Variants in CLVS1 observed in about 807,000 individuals in gnomAD.
The protein encoded by CLVS1 is clavesin-1.
CLVS1 carries 10 observed loss-of-function variants against 33.1 expected under a neutral mutation model. The ratio of observed to expected loss-of-function variants is 0.30; its 90% CI spans 0.19 to 0.51. The LOEUF is 0.51. Ranked by LOEUF, CLVS1 falls within the 20% of genes least tolerant of loss-of-function variation. The pLI, the probability that CLVS1 is intolerant of heterozygous loss-of-function variation, is 0.97. For missense variants in CLVS1, 343 were observed against 433.4 expected (o/e 0.79, Z 1.85); for synonymous variants, 163 against 166.1 (o/e 0.98, Z 0.14).
chr8:61,445,602 A>C lies in CLVS1; in HGVS notation c.631-8539A>C, dbSNP rs535431060. 6.6e-5 allele frequency among the ~76,000 whole-genome samples: 10 copies of C among 152,112 alleles called. No homozygotes were observed. The East Asian group carries it at 1.9e-3, about 29-fold the overall frequency. On this transcript the variant is annotated intron_variant, in intron 3 of 5. Coordinates refer to ENST00000325897, the MANE Select transcript of CLVS1 (RefSeq NM_173519.3). ...GCTTGCAGAACCATCAGCCAAATAA[A>C]CCTCCTTTTTTTTATAATTTGTTTG...
intron 5 of CLVS1, among the ~76,000 whole-genome samples, chr8:61,483,982 T>C (rs4467931): frequency 0.54 from 81,907 of 152,150 alleles, 26,214 homozygotes; most frequent in Non-Finnish European, 0.71. Context: ...CCACAGCCAA[T>C]ATCATACTGA....
At chr8:61,337,095 C>T (rs190218400) in intron 2 of CLVS1, among the ~76,000 whole-genome samples, 36 of 152,276 alleles carry the variant, frequency 2.4e-4, no homozygotes, top group African/African-American at 7.9e-4. Context: ...TCAATTGCAT[C>T]ACCCAGATTT....
intron 3 of CLVS1, among the ~76,000 whole-genome samples, chr8:61,432,581 C>T (rs545253633): frequency 6.6e-6 from 1 of 152,298 alleles, no homozygotes; most frequent in East Asian, 1.9e-4. Context: ...CTGCCTCTGC[C>T]TTGGTCTTGA....
At chr8:60,976,859 T>C in the CLVS1 span, among the ~76,000 whole-genome samples, 4 of 152,208 alleles carry the variant, frequency 2.6e-5, no homozygotes, top group Non-Finnish European at 5.9e-5. Flanking sequence ...CCTCCAAAAA[T>C]TGGGGTTGTG....
chr8:61,129,450 C>CT (rs1176897307), intron 1 of CLVS1, among the ~76,000 whole-genome samples: 1 of 152,174 alleles, frequency 6.6e-6, no homozygotes, highest in Non-Finnish European at 1.5e-5. Flanking sequence ...TTAAATCTGT[C>CT]TTTTTTCAAA....
chr8:61,278,111 T>G (rs1293851570), intron 2 of CLVS1, among the ~76,000 whole-genome samples: 4 of 152,174 alleles, frequency 2.6e-5, no homozygotes, highest in African/African-American at 9.7e-5. Context: ...TATGCCCTAA[T>G]TTTAGGCAAA....
chr8:61,120,065 C>G (rs1028948654), intron 1 of CLVS1, among the ~76,000 whole-genome samples: 1 of 148,126 alleles, frequency 6.8e-6, no homozygotes, highest in African/African-American at 2.5e-5. Context: ...GCAGGCTTTG[C>G]TCGTTTCTTT....
chr8:61,181,780 A>C (rs533276357), intron 2 of CLVS1, among the ~76,000 whole-genome samples: 21 of 145,702 alleles, frequency 1.4e-4, no homozygotes, highest in Middle Eastern at 4.3e-3. Context: ...GCTCACTGCA[A>C]ACTCCACCTC....
At chr8:61,351,458 A>C (rs898790866) in intron 2 of CLVS1, among the ~76,000 whole-genome samples, 1 of 152,106 alleles carries the variant, frequency 6.6e-6, no homozygotes, top group Admixed American at 6.6e-5. Context: ...GGACAATGTC[A>C]TAAGATCCAA....
At position 61,373,976 on chromosome 8, in the gene CLVS1, A is replaced by G. The variant is rs180700947; in HGVS notation, c.456-2629A>G. On this transcript the variant is annotated intron_variant, in intron 2 of 5. Coordinates refer to ENST00000325897, the MANE Select transcript of CLVS1 (RefSeq NM_173519.3). ...GCATGCTGGCTGTCGCATATTTTTT[A>G]CTATAGCAACGGTAGAAGGGCAAGA... is the stretch of plus-strand genomic sequence containing the variant. Among the ~76,000 whole-genome samples, 34 of 152,216 alleles carry G rather than the reference A, an allele frequency of 2.2e-4. No homozygotes were observed. The East Asian group carries it at 6.6e-3, about 29-fold the overall frequency.
chr8:61,431,195 C>CT (rs1236298482), intron 3 of CLVS1, among the ~76,000 whole-genome samples: 5 of 151,732 alleles, frequency 3.3e-5, no homozygotes, highest in East Asian at 1.9e-4. Flanking sequence ...TTTTCTAGAA[C>CT]TTTTTTTTTC....
At chr8:61,256,139 C>T (rs1442956732) in intron 2 of CLVS1, among the ~76,000 whole-genome samples, 1 of 152,180 alleles carries the variant, frequency 6.6e-6, no homozygotes, top group Non-Finnish European at 1.5e-5. Context: ...CTCCTAGCCC[C>T]TAGTAACCAC....
chr8:61,350,858 G>A (rs950380731), intron 2 of CLVS1, among the ~76,000 whole-genome samples: 6 of 152,086 alleles, frequency 3.9e-5, no homozygotes, highest in African/African-American at 1.4e-4. Flanking sequence ...CTCTGGCTGT[G>A]GAGTTGAATA....
chr8:61,473,490 T>G (rs903956010), intron 5 of CLVS1, among the ~76,000 whole-genome samples: 2 of 152,038 alleles, frequency 1.3e-5, no homozygotes, highest in Non-Finnish European at 2.9e-5. Context: ...CAATGGACAG[T>G]TTCAGAAAAG....
chr8:61,471,713 C>T (rs1173362383), intron 5 of CLVS1, among the ~76,000 whole-genome samples: 3 of 152,204 alleles, frequency 2.0e-5, no homozygotes, highest in Admixed American at 6.5e-5. Context: ...GTTACAGGAG[C>T]CCTCATTCCC....
chr8:61,317,194 CGTT>C (rs1299726794), intron 2 of CLVS1, among the ~76,000 whole-genome samples: 1 of 152,162 alleles, frequency 6.6e-6, no homozygotes, highest in Non-Finnish European at 1.5e-5. Context: ...TGACAAGTTA[CGTT>C]GTCTGGTGAG....
At chr8:61,167,243 G>A (rs1340929601) in intron 2 of CLVS1, among the ~76,000 whole-genome samples, 3 of 148,310 alleles carry the variant, frequency 2.0e-5, no homozygotes, top group Non-Finnish European at 3.0e-5. Flanking sequence ...TGCCCAGGCT[G>A]GAGTGCAATG....
At chr8:61,246,800 C>T (rs1808820005) in intron 2 of CLVS1, among the ~76,000 whole-genome samples, 1 of 151,952 alleles carries the variant, frequency 6.6e-6, no homozygotes, top group African/African-American at 2.4e-5. Context: ...TATTTTCTTT[C>T]TTTTTTTAAA....
upstream of CLVS1, among the ~76,000 whole-genome samples, chr8:61,285,940 A>G (rs969998051): frequency 6.8e-6 from 1 of 147,498 alleles, no homozygotes; most frequent in Non-Finnish European, 1.5e-5. Flanking sequence ...TAACTGGATC[A>G]TATTTTGTTT....
Sources: gnomAD v4.1 joint callset for allele counts (sites outside exome capture counted in the v4.1 genomes callset) on GRCh38, gnomAD v4.1.1 for gene constraint, MANE v1.5 for transcripts, NCBI Gene and HGNC (gene_info 2026-07-23, HGNC 2026-07-21) for gene names.